The following EPHA10 variants were observed in gnomAD, a reference collection of about 807,000 sequenced individuals.
The protein encoded by EPHA10 is ephrin type-A receptor 10.
Under a neutral mutation model 109.7 loss-of-function variants are expected in EPHA10, and 120 were observed. The observed-to-expected ratio is 1.09, with a 90% CI of 0.94 to 1.27. The LOEUF is 1.27. Ranked by LOEUF, EPHA10 falls within the 50% of genes most tolerant of loss-of-function variation. EPHA10 has a pLI of 0.00. For missense variants in EPHA10, 1,396 were observed against 1,411.1 expected (o/e 0.99, Z 0.17); for synonymous variants, 640 against 618.9 (o/e 1.03, Z -0.51).
Position 37,731,538 on chromosome 1 carries a change from G to A in EPHA10, c.1536C>T (p.Pro512=). The A allele has an allele frequency of 6.2e-7, 1 of 1,614,008 alleles. No individual in the cohort carries two copies. The highest frequency in any genetic ancestry group is 1.3e-5 in the African/African-American group (1 of 75,040). ...QTYSMVKTGA[P]TVTVTNLKPA... Reference sequence around the variant, plus strand: ...GCTTCAGGTTGGTGACGGTGACTGTGGGCGCCCCTGTCTTCACCATGGAGT... The same window carrying A: ...GCTTCAGGTTGGTGACGGTGACTGTAGGCGCCCCTGTCTTCACCATGGAGT... Residue 512 remains proline (P), a synonymous_variant, in exon 7 of 17, where the codon CCC becomes CCT. Transcript: ENST00000373048.
chr1:37,760,468 A>T, intron 3 of EPHA10: 1 of 1,054,040 alleles, frequency 9.5e-7, no homozygotes, highest in Non-Finnish European at 1.1e-6. Flanking sequence ...TAGTTCAGAG[A>T]GTGGGATGTG....
chr1:37,714,887 A>C (rs2148295873), downstream of EPHA10: 1 of 152,172 alleles, frequency 6.6e-6, no homozygotes. Flanking sequence ...GGGACAGTAA[A>C]TCCCTGTCGG....
intron 5 of EPHA10, among the ~76,000 whole-genome samples, chr1:37,751,862 ACT>A (rs1311517092): frequency 5.4e-5 from 8 of 148,350 alleles, no homozygotes; most frequent in African/African-American, 1.7e-4. Flanking sequence ...ACAGAGCAAG[ACT>A]CTGTCTCAAA....
chr1:37,739,864 T>TG (rs1320187787), intron 5 of EPHA10, among the ~76,000 whole-genome samples: 4 of 150,840 alleles, frequency 2.7e-5, no homozygotes. Flanking sequence ...AGGGCCAGGG[T>TG]GGGAGGATCG....
chr1:37,725,809 G>A lies in EPHA10; in HGVS notation c.1772+1293C>T, dbSNP rs535418314. 1.8e-4 allele frequency among the ~76,000 whole-genome samples: 28 copies of A among 152,328 alleles called. No homozygotes were observed. In the East Asian group the frequency reaches 4.1e-3, roughly 22 times the overall value. On this transcript the variant is annotated intron_variant, in intron 8 of 16. Transcript: ENST00000373048. Reference sequence around the variant, plus strand: ...CTTCCACTGGACCACACGGTCTGGTGAGAAGTGGGCAAGCTAGGGTGGACT... The same window carrying A: ...CTTCCACTGGACCACACGGTCTGGTAAGAAGTGGGCAAGCTAGGGTGGACT...
At chr1:37,723,854 A>C (rs910248910) in intron 8 of EPHA10, among the ~76,000 whole-genome samples, 2 of 152,234 alleles carry the variant, frequency 1.3e-5, no homozygotes, top group South Asian at 2.1e-4. Context: ...GCCTGACCTG[A>C]TCCAAGGTCA....
At chr1:37,715,200 A>G (rs1645674656), downstream of EPHA10, among the ~76,000 whole-genome samples, 1 of 151,734 alleles carries the variant, frequency 6.6e-6, no homozygotes, top group African/African-American at 2.4e-5. Flanking sequence ...CAGCTAATTT[A>G]TGTGTTTTTA....
chr1:37,754,454 C>T lies in EPHA10; in HGVS notation c.851-84G>A. 8.3e-7 allele frequency: 1 copy of T among 1,204,390 alleles called. No homozygotes were observed. Among genetic ancestry groups the T allele is most frequent in the Non-Finnish European group, 1.0e-6 (1 of 955,126 alleles). 74.6% of individuals were successfully genotyped at this position (1,204,390 alleles called of 1,614,324 possible). A position where few individuals can be genotyped will look rare whatever the true frequency, so the allele number is the denominator to read the frequency against. ...CTGGCCTGGTTAGGGCAGCGTTTAT[C>T]TCCTCCAATTGCGATAGAAAAACAG... On this transcript the variant is annotated intron_variant, in intron 3 of 16. Transcript: ENST00000373048. This position sits in a 1 kb window ranked among gnomAD's most constrained non-coding sequence, Gnocchi z 4.5.
Position 37,735,350 on chromosome 1 carries a change from T to A in EPHA10, c.1398A>T (p.Glu466Asp). The A allele has an allele frequency of 6.3e-7, 1 of 1,577,066 alleles. No homozygotes were observed. The highest frequency in any genetic ancestry group is 8.6e-7 in the Non-Finnish European group (1 of 1,161,430). The change falls in exon 6 of 17, where the codon GAA (glutamate) becomes GAT (aspartate). Residue 466 changes from glutamate to aspartate, a missense_variant. Transcript: ENST00000373048. ...GCCACGACAGGGACACGCTCTGGGG[T>A]TCCACTCGGTCCCTGCGGATCTCAT... ...EEDEIRRDRV[E>D]PQSVSLSWRE...
chr1:37,757,202 TTC>T (rs1460045428), intron 3 of EPHA10, among the ~76,000 whole-genome samples: 3 of 152,114 alleles, frequency 2.0e-5, no homozygotes, highest in Non-Finnish European at 4.4e-5. Context: ...TTTTACTAAT[TTC>T]TCTAGTGGCT....
chr1:37,743,284 C>T (rs752779232), intron 5 of EPHA10, among the ~76,000 whole-genome samples: 7 of 151,926 alleles, frequency 4.6e-5, no homozygotes, highest in Non-Finnish European at 7.4e-5. Flanking sequence ...GTAAGTAAAA[C>T]GCTCTGGCAC....
chr1:37,717,146 C>T lies in EPHA10; in HGVS notation c.*1226G>A, dbSNP rs1557524960. On this transcript the variant is annotated 3_prime_UTR_variant, in exon 17 of 17. Coordinates refer to ENST00000373048, the MANE Select transcript of EPHA10 (RefSeq NM_001099439.2). ...CTGCCTTCCTGCCACCCTACGAAAG[C>T]TCTGGCATACTGGGCCCCACCATTC... 1 of 232,558 alleles carries T rather than the reference C, an allele frequency of 4.3e-6. No individual in the cohort carries two copies. Among genetic ancestry groups the T allele is most frequent in the Admixed American group, 5.6e-5 (1 of 17,780 alleles). 14.4% of individuals were successfully genotyped at this position (232,558 alleles called of 1,614,324 possible).
At chr1:37,714,071 T>C (rs916098110), downstream of EPHA10, 1 of 152,164 alleles carries the variant, frequency 6.6e-6, no homozygotes, top group Non-Finnish European at 1.5e-5. Flanking sequence ...GTTAGCCTTA[T>C]CAAAGAGCTG....
At chr1:37,723,898 G>A (rs1442263523) in intron 8 of EPHA10, among the ~76,000 whole-genome samples, 1 of 152,252 alleles carries the variant, frequency 6.6e-6, no homozygotes, top group Non-Finnish European at 1.5e-5. Context: ...AGGCAGCCAC[G>A]GGCCAAAGGA....
rs1485447439 is a variant in EPHA10 at position 37,764,621 on chromosome 1, T to G, written c.106+340A>C. ...TTCCGAGCTCACCTCCGCATCTCCC[T>G]GTCTCCACTCTTCATCTCCCCGCCC... is the stretch of plus-strand genomic sequence containing the variant. On this transcript the variant is annotated intron_variant, in intron 1 of 16. Transcript: ENST00000373048. The surrounding 1 kb of genome is among the most constrained non-coding windows in gnomAD (Gnocchi z 5.8). Among the ~76,000 whole-genome samples the G allele has an allele frequency of 1.3e-5, 2 of 152,110 alleles. No individual in the cohort carries two copies. Among genetic ancestry groups the G allele is most frequent in the African/African-American group, 4.8e-5 (2 of 41,420 alleles).
chr1:37,723,999 C>T (rs1433368179), intron 8 of EPHA10, among the ~76,000 whole-genome samples: 3 of 152,332 alleles, frequency 2.0e-5, no homozygotes, highest in Non-Finnish European at 2.9e-5. Context: ...GGCTTTTATT[C>T]TGGGAGCAGA....
rs548455758 is a variant in EPHA10, at chr1:37,720,914, C to A, written c.2147-70G>T. 4.4e-5 allele frequency: 67 copies of A among 1,525,156 alleles called. 1 individual carries two copies. The Admixed American group carries it at 1.0e-3, about 23-fold the overall frequency. 94.5% of individuals were successfully genotyped at this position (1,525,156 alleles called of 1,614,324 possible). A position where few individuals can be genotyped will look rare whatever the true frequency, so the allele number is the denominator to read the frequency against. ...CTCCGCACGCACACAAGTTTCCCCCCCAGGGTCCCAGACTGGGCCTCGAGA... is the reference window on the plus strand; with the variant it reads ...CTCCGCACGCACACAAGTTTCCCCCACAGGGTCCCAGACTGGGCCTCGAGA... On this transcript the variant is annotated intron_variant, in intron 11 of 16. Coordinates refer to ENST00000373048, the MANE Select transcript of EPHA10 (RefSeq NM_001099439.2).
rs56226051 is a variant in EPHA10, at chr1:37,732,863, C to CTTTTTTTT, written c.1492-1289_1492-1282dup. The stretch of plus-strand genomic sequence containing the variant: ...CAAATATAGCCCTTTTATACTTGTT[C>CTTTTTTTT]TTTTTTTTTTTTTTTTTTTTTTTTT... On this transcript the variant is annotated intron_variant, in intron 6 of 16. Coordinates refer to ENST00000373048, the MANE Select transcript of EPHA10 (RefSeq NM_001099439.2). 2.2e-3 allele frequency among the ~76,000 whole-genome samples: 54 copies of CTTTTTTTT among 25,038 alleles called. 13 individuals are homozygous for CTTTTTTTT. The highest frequency in any genetic ancestry group is 2.7e-3 in the Non-Finnish European group (33 of 12,014). 16.4% of individuals were successfully genotyped at this position (25,038 alleles called of 152,430 possible).
chr1:37,739,688 CAAAAAAAAAAA>C (rs66804054), intron 5 of EPHA10, among the ~76,000 whole-genome samples: 2 of 76,642 alleles, frequency 2.6e-5, no homozygotes, highest in East Asian at 4.2e-4. Flanking sequence ...GACCCTGTCT[CAAAAAAAAAAA>C]AAAAAAAAAA....
Sources: allele counts gnomAD v4.1 joint callset (sites outside exome capture counted in the v4.1 genomes callset), GRCh38; gene constraint gnomAD v4.1.1; non-coding constraint Gnocchi (gnomAD v3.1); transcripts MANE v1.5; gene names NCBI Gene and HGNC (gene_info 2026-07-23, HGNC 2026-07-21).